Variants in DCDC2C observed in about 807,000 individuals in gnomAD.
DCDC2C encodes doublecortin domain-containing protein 2C.
In DCDC2C, 44 loss-of-function variants were observed where a neutral mutation model predicts 45.0. The ratio of observed to expected loss-of-function variants is 0.98; its 90% CI spans 0.77 to 1.26. The LOEUF is 1.26. Among genes scored for constraint, DCDC2C ranks in the 50% most tolerant of loss-of-function variants. The probability of loss-of-function intolerance (pLI) is 0.00; values close to 1 mark genes in which losing one functional copy is unlikely to be tolerated. For synonymous variants in DCDC2C, 187 were observed against 178.8 expected, an observed-to-expected ratio of 1.05 and a Z score of -0.37; for missense variants, 447 against 468.9, an observed-to-expected ratio of 0.95 and a Z score of 0.43.
intron 4 of DCDC2C, among the ~76,000 whole-genome samples, chr2:3,747,640 G>C (rs1202339265): frequency 2.0e-5 from 3 of 152,232 alleles, no homozygotes; most frequent in African/African-American, 7.2e-5. Flanking sequence ...GGTGTGGCCT[G>C]ACCTCGCCCA....
intron 4 of DCDC2C, among the ~76,000 whole-genome samples, chr2:3,745,566 A>G (rs1018414103): frequency 6.6e-6 from 1 of 152,198 alleles, no homozygotes; most frequent in Non-Finnish European, 1.5e-5. Context: ...AAAAAAATCA[A>G]TGTGTGTGTT....
chr2:3,789,267 C>T (rs1302730846), intron 10 of DCDC2C, among the ~76,000 whole-genome samples: 3 of 152,174 alleles, frequency 2.0e-5, no homozygotes, highest in Admixed American at 1.3e-4. Context: ...CAAAACTCCA[C>T]GTGGCATCCA....
At chr2:3,846,233 C>G (rs970039392) in intron 10 of DCDC2C, among the ~76,000 whole-genome samples, 17 of 151,552 alleles carry the variant, frequency 1.1e-4, no homozygotes, top group Non-Finnish European at 1.8e-4. Flanking sequence ...CTTCTTCTCT[C>G]CTCCCCACTC....
intron 4 of DCDC2C, among the ~76,000 whole-genome samples, chr2:3,746,243 G>A (rs553571633): frequency 2.2e-4 from 33 of 152,284 alleles, no homozygotes; most frequent in African/African-American, 7.7e-4. Flanking sequence ...CAGACTAAGA[G>A]ACCTTCCAGA....
intron 3 of DCDC2C, 73 bp downstream of exon 3, chr2:3,727,152 C>A: frequency 7.8e-7 from 1 of 1,276,938 alleles, no homozygotes; most frequent in South Asian, 1.3e-5. Context: ...TCTATCCTGA[C>A]AAATGCCCCT....
chr2:3,710,378 C>A (rs35829157), intron 2 of DCDC2C, among the ~76,000 whole-genome samples: 87 of 152,188 alleles, frequency 5.7e-4, no homozygotes, highest in Non-Finnish European at 1.1e-3. Flanking sequence ...CTCTGACAGG[C>A]GCCAGTGTGT....
At chr2:3,751,247 C>G (rs575037734) in intron 4 of DCDC2C, among the ~76,000 whole-genome samples, 23 of 152,322 alleles carry the variant, frequency 1.5e-4, no homozygotes, top group African/African-American at 5.5e-4. Flanking sequence ...TCCCCCACTT[C>G]CCTAGTGAGG....
At chr2:3,782,348 C>A (rs748641615) in intron 9 of DCDC2C, among the ~76,000 whole-genome samples, 1 of 152,210 alleles carries the variant, frequency 6.6e-6, no homozygotes, top group Non-Finnish European at 1.5e-5. Flanking sequence ...GACACTTCCT[C>A]ATCCTCAGAA....
rs987820913 is a variant in DCDC2C, at chr2:3,760,515, T to C, written c.726+5881T>C. 3.9e-5 allele frequency among the ~76,000 whole-genome samples: 6 copies of C among 152,240 alleles called. No individual in the cohort carries two copies. In the South Asian group the frequency reaches 1.2e-3, roughly 32 times the overall value. On this transcript the variant is annotated intron_variant, in intron 6 of 10. Transcript: ENST00000399143. ...GTGCAGCCATAAAAAAGAATGAGTT[T>C]ATGTTCTTTGCAGGGAAGTGAATGA...
Position 3,828,536 on chromosome 2 carries a change from G to T in DCDC2C, c.1066-18618G>T, listed in dbSNP as rs530444607. ...CAATTACAGCCTTCAAAGTCTCTGAGCCGTTTCTCACTATGCTGCATTACA... is the reference window on the plus strand; with the variant it reads ...CAATTACAGCCTTCAAAGTCTCTGATCCGTTTCTCACTATGCTGCATTACA... On this transcript the variant is annotated intron_variant, in intron 10 of 10. Transcript: ENST00000399143. 2.0e-5 allele frequency among the ~76,000 whole-genome samples: 3 copies of T among 152,340 alleles called. No homozygotes were observed. In the South Asian group the frequency reaches 6.2e-4, roughly 32 times the overall value.
chr2:3,830,372 C>G (rs528636102), intron 10 of DCDC2C, among the ~76,000 whole-genome samples: 8 of 152,060 alleles, frequency 5.3e-5, no homozygotes, highest in Admixed American at 2.6e-4. Context: ...ATGCCTAGTA[C>G]TGCAGTGTGG....
intron 3 of DCDC2C, among the ~76,000 whole-genome samples, chr2:3,733,882 A>C (rs1277776178): frequency 2.6e-5 from 4 of 152,210 alleles, no homozygotes; most frequent in African/African-American, 9.6e-5. Context: ...GGGACCTTGA[A>C]GTGCGAGCCA....
intron 10 of DCDC2C, among the ~76,000 whole-genome samples, chr2:3,833,170 G>C (rs1671993804): frequency 6.6e-6 from 1 of 152,160 alleles, no homozygotes; most frequent in African/African-American, 2.4e-5. Context: ...CTTCTCTTCT[G>C]TCTTCCTCGT....
intron 3 of DCDC2C, among the ~76,000 whole-genome samples, chr2:3,740,184 A>G (rs967194299): frequency 2.0e-5 from 3 of 152,216 alleles, no homozygotes; most frequent in African/African-American, 7.2e-5. Flanking sequence ...ACAGCTGTAT[A>G]ATTTATGGTG....
At chr2:3,840,359 C>T (rs531930582) in intron 10 of DCDC2C, among the ~76,000 whole-genome samples, 4 of 152,192 alleles carry the variant, frequency 2.6e-5, no homozygotes, top group Admixed American at 6.5e-5. Flanking sequence ...GCTCGCTGCC[C>T]GCTGTGAACT....
intron 4 of DCDC2C, among the ~76,000 whole-genome samples, chr2:3,748,351 C>T (rs900564155): frequency 5.4e-5 from 3 of 55,056 alleles, no homozygotes; most frequent in Non-Finnish European, 6.9e-5. Flanking sequence ...AATGAGTGAG[C>T]GAGAGATGGG....
At chr2:3,748,667 G>T (rs186227923) in intron 4 of DCDC2C, among the ~76,000 whole-genome samples, 14 of 152,290 alleles carry the variant, frequency 9.2e-5, no homozygotes, top group Non-Finnish European at 1.9e-4. Context: ...GGATGGTATT[G>T]ACGGTTGAGG....
At chr2:3,827,227 C>T (rs1426607242) in intron 10 of DCDC2C, among the ~76,000 whole-genome samples, 1 of 152,082 alleles carries the variant, frequency 6.6e-6, no homozygotes, top group African/African-American at 2.4e-5. Context: ...TCAGAGCTGC[C>T]TGAAGGCTAC....
chr2:3,786,947 A>G lies in DCDC2C; in HGVS notation c.1065+1847A>G, dbSNP rs79151173. ...TATCTATGTTTAAAATGGTGTTTAT[A>G]TTATTTGTTCTTGAGTTAGATAATG... On this transcript the variant is annotated intron_variant, in intron 10 of 10. Transcript: ENST00000399143. Among the ~76,000 whole-genome samples, 1,087 of 152,344 alleles carry G rather than the reference A, an allele frequency of 7.1e-3. 3 individuals are homozygous for G. Among genetic ancestry groups the G allele is most frequent in the Non-Finnish European group, 0.012 (802 of 68,016 alleles).
Sources: allele counts gnomAD v4.1 joint callset (sites outside exome capture counted in the v4.1 genomes callset), GRCh38; gene constraint gnomAD v4.1.1; transcripts MANE v1.5; gene names NCBI Gene and HGNC (gene_info 2026-07-23, HGNC 2026-07-21).